Variants in C19orf38 observed in about 807,000 individuals in gnomAD.
C19orf38 encodes the protein protein HIDE1.
A neutral mutation model predicts 26.6 loss-of-function variants in C19orf38; 14 were observed. The observed-to-expected ratio is 0.53, with a 90% CI of 0.35 to 0.82. The LOEUF (loss-of-function observed/expected upper bound fraction) is 0.82. Ranked by LOEUF, C19orf38 falls within the 40% of genes least tolerant of loss-of-function variation. The pLI is 0.01. For synonymous variants in C19orf38, 132 were observed against 128.5 expected, an observed-to-expected ratio of 1.03 and a Z score of -0.18; for missense variants, 261 against 299.5, an observed-to-expected ratio of 0.87 and a Z score of 0.95.
In C19orf38 at chr19:10,850,415, C is replaced by A; in HGVS notation, c.188C>A (p.Ala63Asp). 1 of 1,550,776 alleles carries A rather than the reference C, an allele frequency of 6.4e-7. No individual in the cohort carries two copies. The highest frequency in any genetic ancestry group is 2.0e-5 in the Admixed American group (1 of 50,896). Residue 63 changes from alanine to aspartate, a missense_variant, in exon 2 of 7, where the codon GCC becomes GAC. Transcript: ENST00000397820. The part of the protein sequence containing the change: ...RGGQVVQLLQ[A>D]PTDQRGVTFN... ...GGGCAGGTGGTCCAGCTCCTGCAGG[C>A]CCCCACGGACCAGCGCGGGGTGACA...
chr19:10,859,352 A>G (rs1416229233), intron 4 of C19orf38, among the ~76,000 whole-genome samples: 1,718 of 32,050 alleles, frequency 0.054, 21 homozygotes, highest in African/African-American at 0.16. Context: ...GTGTGTGTAT[A>G]TATATATATA....
At chr19:10,843,349 C>T (rs1838207856) in intron 1 of C19orf38, among the ~76,000 whole-genome samples, 1 of 152,196 alleles carries the variant, frequency 6.6e-6, no homozygotes, top group African/African-American at 2.4e-5. Context: ...GGGGTTTCAC[C>T]AGGGACCTGC....
chr19:10,852,046 G>A (rs2073578701), intron 2 of C19orf38, among the ~76,000 whole-genome samples: 1 of 151,788 alleles, frequency 6.6e-6, no homozygotes, highest in African/African-American at 2.4e-5. Flanking sequence ...CAGCTACTCA[G>A]GAGGCTGAGG....
chr19:10,855,433 G>C (rs2146260015), intron 2 of C19orf38, among the ~76,000 whole-genome samples: 1 of 152,236 alleles, frequency 6.6e-6, no homozygotes, highest in Admixed American at 6.5e-5. Context: ...CACTTCCCGG[G>C]TTCAAACTAT....
rs953156656 is a variant in C19orf38 at position 10,867,641 on chromosome 19, C to CTTTTTT, written c.544-1553_544-1548dup. Among the ~76,000 whole-genome samples, 20 of 58,838 alleles carry CTTTTTT rather than the reference C, an allele frequency of 3.4e-4. 3 individuals are homozygous for CTTTTTT. Among genetic ancestry groups the CTTTTTT allele is most frequent in the Non-Finnish European group, 5.4e-4 (17 of 31,480 alleles). 38.6% of individuals were successfully genotyped at this position (58,838 alleles called of 152,430 possible). Reference sequence around the variant, plus strand: ...TCAGAAAAAAAAAAGGAAGAACATTCTTTTTTTTTTTTTTTTTTTTTTTTT... The same window carrying CTTTTTT: ...TCAGAAAAAAAAAAGGAAGAACATTCTTTTTTTTTTTTTTTTTTTTTTTTTTTTTTT... On this transcript the variant is annotated intron_variant, in intron 6 of 6. Transcript: ENST00000397820.
chr19:10,837,112 G>A (rs2073438210), intron 1 of C19orf38, among the ~76,000 whole-genome samples: 2 of 152,210 alleles, frequency 1.3e-5, no homozygotes, highest in Non-Finnish European at 2.9e-5. Context: ...ATAGGCCTAC[G>A]CTACTGGGCT....
At chr19:10,850,715 C>T in intron 2 of C19orf38, 148 bp downstream of exon 2, 2 of 915,326 alleles carry the variant, frequency 2.2e-6, no homozygotes, top group Non-Finnish European at 3.2e-6. Context: ...TCAATCTTCT[C>T]AGCCAGCCCA....
Position 10,848,538 on chromosome 19 carries a change from T to C in C19orf38, c.30T>C (p.Ala10=), listed in dbSNP as rs1237881845. 5 of 1,551,650 alleles carry C rather than the reference T, an allele frequency of 3.2e-6. No individual in the cohort carries two copies. Among genetic ancestry groups the C allele is most frequent in the Non-Finnish European group, 4.4e-6 (5 of 1,146,918 alleles). The change falls in exon 1 of 7, where the codon GCT becomes GCC. Residue 10 remains alanine (A), a splice_region_variant and synonymous_variant. Transcript: ENST00000397820. Reference sequence around the variant, plus strand: ...CCTGGACCATCTTGCTCTTTGCAGCTGGTGAGTCTGAAGCCCCCCTCTCAG... The same window carrying C: ...CCTGGACCATCTTGCTCTTTGCAGCCGGTGAGTCTGAAGCCCCCCTCTCAG... The part of the protein sequence containing the change: MPWTILLFA[A]GSLAIPAPSI...
At chr19:10,854,522 G>A (rs906833493) in intron 2 of C19orf38, among the ~76,000 whole-genome samples, 1 of 152,200 alleles carries the variant, frequency 6.6e-6, no homozygotes, top group African/African-American at 2.4e-5. Context: ...TGGCCTTGGA[G>A]TAGGGAGCTG....
At chr19:10,859,326 ATG>A (rs2073667254) in intron 4 of C19orf38, among the ~76,000 whole-genome samples, 2 of 78,870 alleles carry the variant, frequency 2.5e-5, no homozygotes, top group Non-Finnish European at 5.0e-5. Flanking sequence ...GTGTGTGTGT[ATG>A]TATGTGTGTG....
At chr19:10,863,660 G>A (rs373757596) in intron 6 of C19orf38, among the ~76,000 whole-genome samples, 46 of 150,944 alleles carry the variant, frequency 3.0e-4, no homozygotes, top group African/African-American at 1.1e-3. Flanking sequence ...GGTGACTCAC[G>A]TCTGTAATCC....
At chr19:10,857,366 A>ATATATATATATATATATTTT (rs1433358051) in intron 3 of C19orf38, among the ~76,000 whole-genome samples, 1 of 56,102 alleles carries the variant, frequency 1.8e-5, no homozygotes, top group African/African-American at 1.7e-4. Flanking sequence ...ATATATATAT[A>ATATATATATATATATATTTT]TTTTTTTTTT....
At chr19:10,864,381 A>G (rs1599672320) in intron 6 of C19orf38, among the ~76,000 whole-genome samples, 1 of 151,966 alleles carries the variant, frequency 6.6e-6, no homozygotes, top group African/African-American at 2.4e-5. Flanking sequence ...AAAGTCTGAG[A>G]TGGGTGACAA....
Position 10,848,441 on chromosome 19 carries a change from G to A in C19orf38, c.-68G>A. Reference sequence around the variant, plus strand: ...TCCTTTCCCCGATCTGGCCTCACAGGAGGAGTTGGCGGGGAGCCTTGGGCC... The same window carrying A: ...TCCTTTCCCCGATCTGGCCTCACAGAAGGAGTTGGCGGGGAGCCTTGGGCC... On this transcript the variant is annotated 5_prime_UTR_variant, in exon 1 of 7. Transcript: ENST00000397820. 8.6e-6 allele frequency: 13 copies of A among 1,510,990 alleles called. 1 individual carries two copies. The South Asian group carries it at 1.4e-4, about 17-fold the overall frequency. 93.6% of individuals were successfully genotyped at this position (1,510,990 alleles called of 1,614,324 possible).
intron 4 of C19orf38, among the ~76,000 whole-genome samples, chr19:10,858,932 A>G (rs1218371773): frequency 4.4e-5 from 6 of 136,776 alleles, no homozygotes; most frequent in Non-Finnish European, 7.9e-5. Flanking sequence ...GAGAATATAT[A>G]TATGTTTTTT....
At chr19:10,864,863 C>CTCAA (rs1363054785) in intron 6 of C19orf38, among the ~76,000 whole-genome samples, 1 of 152,138 alleles carries the variant, frequency 6.6e-6, no homozygotes, top group Non-Finnish European at 1.5e-5. Flanking sequence ...AGTCAGCCAC[C>CTCAA]TCAACCCATG....
In C19orf38 at chr19:10,850,571, A is replaced by G. The variant is rs2073562804; in HGVS notation, c.340+4A>G. Reference sequence around the variant, plus strand: ...CCCGTGAACGTCTCCTTCCCAGGTAAGGCCCTTCTATGGGATCTCACTGCC... The same window carrying G: ...CCCGTGAACGTCTCCTTCCCAGGTAGGGCCCTTCTATGGGATCTCACTGCC... On this transcript the variant is annotated splice_donor_region_variant and intron_variant, in intron 2 of 6. Transcript: ENST00000397820. 1 of 1,551,270 alleles carries G rather than the reference A, an allele frequency of 6.4e-7. No individual in the cohort carries two copies.
intron 6 of C19orf38, among the ~76,000 whole-genome samples, chr19:10,865,531 C>G (rs1261509991): frequency 6.6e-6 from 1 of 151,814 alleles, no homozygotes; most frequent in Non-Finnish European, 1.5e-5. Context: ...CTTTAAGAGG[C>G]CGAGGTGGGA....
upstream of C19orf38, among the ~76,000 whole-genome samples, chr19:10,847,974 T>C (rs537747036): frequency 7.2e-5 from 11 of 151,900 alleles, no homozygotes; most frequent in African/African-American, 2.4e-4. Flanking sequence ...GGGCAGATAA[T>C]GAGGTCAAGA....
Sources: allele counts gnomAD v4.1 joint callset (sites outside exome capture counted in the v4.1 genomes callset), GRCh38; gene constraint gnomAD v4.1.1; transcripts MANE v1.5; gene names NCBI Gene and HGNC (gene_info 2026-07-23, HGNC 2026-07-21).